Variants in RSPH14 observed in about 807,000 individuals in gnomAD.
RSPH14 encodes the protein radial spoke head 14 homolog.
A neutral mutation model predicts 26.7 loss-of-function variants in RSPH14; 20 were observed. That is an observed-to-expected ratio of 0.75 (90% confidence interval 0.53 to 1.09). The LOEUF is 1.09. Ranked by LOEUF, RSPH14 falls within the 50% of genes least tolerant of loss-of-function variation. The pLI, the probability that RSPH14 is intolerant of heterozygous loss-of-function variation, is 0.00. For missense variants in RSPH14, 449 were observed against 457.2 expected, an observed-to-expected ratio of 0.98 and a Z score of 0.16; for synonymous variants, 177 against 189.3, an observed-to-expected ratio of 0.93 and a Z score of 0.53.
chr22:23,123,464 G>A (rs2070089185), intron 4 of RSPH14: 4 of 1,437,576 alleles, frequency 2.8e-6, no homozygotes, highest in Non-Finnish European at 3.9e-6. Context: ...TGCCTATGGT[G>A]AAACCCACGG....
rs138998223 is a variant in RSPH14 at position 23,108,454 on chromosome 22, C to T, written c.421+25572G>A. On this transcript the variant is annotated intron_variant, in intron 4 of 6. Coordinates refer to ENST00000216036, the MANE Select transcript of RSPH14 (RefSeq NM_014433.3). ...ATGCAGGGTAGCACAGCAAAGGCCT[C>T]GAGGTGACAGAGACGGAAGCAGGAG... 2.8e-3 allele frequency among the ~76,000 whole-genome samples: 432 copies of T among 152,360 alleles called. 5 individuals carry two copies. The highest frequency in any genetic ancestry group is 9.7e-3 in the African/African-American group (405 of 41,572).
chr22:23,082,201 G>A (rs1186429673), intron 4 of RSPH14, among the ~76,000 whole-genome samples: 2 of 150,726 alleles, frequency 1.3e-5, no homozygotes, highest in South Asian at 2.1e-4. Context: ...GGTCTTTTTC[G>A]TTGTGTTTTT....
chr22:23,105,585 G>T (rs139018617), intron 4 of RSPH14, among the ~76,000 whole-genome samples: 1 of 152,202 alleles, frequency 6.6e-6, no homozygotes, highest in South Asian at 2.1e-4. Flanking sequence ...CAAGGGTGTC[G>T]GCCTTGGGTT....
At chr22:23,138,104 C>T (rs544176286) in intron 3 of RSPH14, among the ~76,000 whole-genome samples, 1 of 152,134 alleles carries the variant, frequency 6.6e-6, no homozygotes, top group Non-Finnish European at 1.5e-5. Flanking sequence ...GCCACCAGAC[C>T]AGATACTCAC....
chr22:23,128,715 T>G (rs1432536597), intron 4 of RSPH14, among the ~76,000 whole-genome samples: 1 of 152,128 alleles, frequency 6.6e-6, no homozygotes, highest in African/African-American at 2.4e-5. Flanking sequence ...TGAGGCACGG[T>G]GGCCAGAACA....
chr22:23,167,511 G>C, the RSPH14 span, among the ~76,000 whole-genome samples: 1 of 152,074 alleles, frequency 6.6e-6, no homozygotes, highest in Non-Finnish European at 1.5e-5. Context: ...AGGCCAGCAG[G>C]ATCCATTCGA....
At chr22:23,145,234 C>G (rs990194959), upstream of RSPH14, 4 of 871,440 alleles carry the variant, frequency 4.6e-6, 1 homozygote, top group South Asian at 6.3e-5. Flanking sequence ...CGCCCCCGGG[C>G]CTCCATAGCC....
At chr22:23,102,029 G>T (rs5996466) in intron 4 of RSPH14, among the ~76,000 whole-genome samples, 15,765 of 152,212 alleles carry the variant, frequency 0.1, 2,608 homozygotes, top group African/African-American at 0.35. Flanking sequence ...AAGAGGGCTG[G>T]GCACACACCT....
rs1601741396 is a variant in RSPH14, at chr22:23,071,611, C to T, written c.422-7478G>A. The stretch of plus-strand genomic sequence containing the variant: ...CCCAGAGCTTGACGCTGGGGTGCAC[C>T]GGGTGGGAGTGGACTGGGCCTGCCC... On this transcript the variant is annotated intron_variant, in intron 4 of 6. Coordinates refer to ENST00000216036, the MANE Select transcript of RSPH14 (RefSeq NM_014433.3). This position sits in a 1 kb window ranked among gnomAD's most constrained non-coding sequence, Gnocchi z 4.1. Among the ~76,000 whole-genome samples, 1 of 152,296 alleles carries T rather than the reference C, an allele frequency of 6.6e-6. No homozygotes were observed. Among genetic ancestry groups the T allele is most frequent in the East Asian group, 1.9e-4 (1 of 5,176 alleles).
At chr22:23,100,606 C>A (rs533783686) in intron 4 of RSPH14, among the ~76,000 whole-genome samples, 2 of 152,340 alleles carry the variant, frequency 1.3e-5, no homozygotes, top group East Asian at 3.9e-4. Flanking sequence ...AACCCCTCCC[C>A]ACTCCAGGGC....
rs1479657759 is a variant in RSPH14 at position 23,095,490 on chromosome 22, C to A, written c.422-31357G>T. 3.9e-5 allele frequency: 23 copies of A among 590,056 alleles called. No individual in the cohort carries two copies. The East Asian group carries it at 6.3e-4, about 16-fold the overall frequency. 36.6% of individuals were successfully genotyped at this position (590,056 alleles called of 1,614,324 possible). ...GAGTGTCACTAGTGGGGAGGGGCGG[C>A]CACCGCCCGCTGCACAGAGCGCCAT... On this transcript the variant is annotated intron_variant, in intron 4 of 6. Transcript: ENST00000216036.
At chr22:23,122,009 G>C (rs771738391) in intron 4 of RSPH14, among the ~76,000 whole-genome samples, 2 of 152,214 alleles carry the variant, frequency 1.3e-5, no homozygotes, top group Non-Finnish European at 2.9e-5. Flanking sequence ...GGGATTACAG[G>C]TGTGAGCCAC....
At chr22:23,123,473 G>A (rs751663346) in intron 4 of RSPH14, 63 of 1,353,066 alleles carry the variant, frequency 4.7e-5, no homozygotes, top group South Asian at 1.1e-4. Context: ...TGAAACCCAC[G>A]GGGTGTCATG....
chr22:23,145,402 G>C, upstream of RSPH14: 1 of 1,609,458 alleles, frequency 6.2e-7, no homozygotes, highest in African/African-American at 1.3e-5. Flanking sequence ...GCTTGGACGC[G>C]CCGCTGCCAG....
At chr22:23,156,271 T>C in the RSPH14 span, 1 of 452,816 alleles carries the variant, frequency 2.2e-6, no homozygotes, top group Non-Finnish European at 4.1e-6. Flanking sequence ...GCTTTAAGTC[T>C]CAGCCCCAGT....
At chr22:23,130,528 G>GAAAGAAAGAAAGAAAGAAAGAAAGA (rs1327093127) in intron 4 of RSPH14, among the ~76,000 whole-genome samples, 8 of 150,890 alleles carry the variant, frequency 5.3e-5, no homozygotes, top group Non-Finnish European at 8.9e-5. Context: ...AAGAAAGAAA[G>GAAAGAAAGAAAGAAAGAAAGAAAGA]AAAGAGAAAG....
At chr22:23,110,129 A>G (rs2069604588) in intron 4 of RSPH14, among the ~76,000 whole-genome samples, 1 of 152,174 alleles carries the variant, frequency 6.6e-6, no homozygotes, top group African/African-American at 2.4e-5. Context: ...TGGGAGGATG[A>G]CCAGGCCTGA....
chr22:23,100,920 C>T (rs946732195), intron 4 of RSPH14, among the ~76,000 whole-genome samples: 5 of 152,186 alleles, frequency 3.3e-5, no homozygotes, highest in South Asian at 2.1e-4. Context: ...GCCACCCTAG[C>T]GCTGTGGTTT....
intron 4 of RSPH14, among the ~76,000 whole-genome samples, chr22:23,117,620 C>T (rs1023147633): frequency 2.0e-5 from 3 of 152,236 alleles, no homozygotes; most frequent in African/African-American, 7.2e-5. Context: ...GGAGAGGGCC[C>T]ACTGGGGTGC....
Sources: gnomAD v4.1 joint callset for allele counts (sites outside exome capture counted in the v4.1 genomes callset) on GRCh38, gnomAD v4.1.1 for gene constraint, Gnocchi (gnomAD v3.1) non-coding constraint, MANE v1.5 for transcripts, NCBI Gene and HGNC (gene_info 2026-07-23, HGNC 2026-07-21) for gene names.